The following LRRC37A3 variants were observed in gnomAD, a reference collection of about 807,000 sequenced individuals.
LRRC37A3 encodes the protein leucine rich repeat containing 37 member A3.
In LRRC37A3, 25 loss-of-function variants were observed where a neutral mutation model predicts 106.2. That is an observed-to-expected ratio of 0.24 (90% CI 0.17 to 0.33). The LOEUF (loss-of-function observed/expected upper bound fraction) is 0.33. Ranked by LOEUF, LRRC37A3 falls within the 10% of genes least tolerant of loss-of-function variation. LRRC37A3 has a pLI of 1.00. For synonymous variants in LRRC37A3, 305 were observed against 635.8 expected, an observed-to-expected ratio of 0.48 and a Z score of 7.83; for missense variants, 712 against 1,644.9, an observed-to-expected ratio of 0.43 and a Z score of 9.81.
intron 13 of LRRC37A3, among the ~76,000 whole-genome samples, chr17:64,857,789 AAC>A (rs1230537437): frequency 6.6e-6 from 1 of 152,222 alleles, no homozygotes; most frequent in Non-Finnish European, 1.5e-5. Flanking sequence ...TAGATGGACA[AAC>A]ACACAGACAA....
chr17:64,870,754 T>C (rs1373867513), intron 8 of LRRC37A3, among the ~76,000 whole-genome samples: 1 of 152,152 alleles, frequency 6.6e-6, no homozygotes, highest in Admixed American at 6.5e-5. Context: ...TTTTTAAAAA[T>C]TTTCATTTTC....
intron 13 of LRRC37A3, 97 bp downstream of exon 13, chr17:64,858,682 C>T: frequency 1.1e-6 from 1 of 872,082 alleles, no homozygotes; most frequent in Non-Finnish European, 2.0e-6. Context: ...CAAGTAGCAG[C>T]AGGTGGGAAA....
intron 2 of LRRC37A3, among the ~76,000 whole-genome samples, chr17:64,899,402 A>G (rs1357921410): frequency 4.1e-5 from 6 of 145,888 alleles, no homozygotes; most frequent in African/African-American, 1.4e-4. Flanking sequence ...CCTGGACAAC[A>G]GAGTGAGACT....
chr17:64,862,535 T>C (rs1972910404), intron 11 of LRRC37A3, among the ~76,000 whole-genome samples: 3 of 151,776 alleles, frequency 2.0e-5, no homozygotes, highest in Non-Finnish European at 2.9e-5. Context: ...TGAGATCTCA[T>C]GGATTTAAAA....
intron 2 of LRRC37A3, among the ~76,000 whole-genome samples, chr17:64,916,334 G>A (rs1310016264): frequency 6.6e-6 from 1 of 151,860 alleles, no homozygotes; most frequent in African/African-American, 2.4e-5. Flanking sequence ...GAACCCGGGA[G>A]GGGGAGCTTG....
chr17:64,861,501 C>T (rs1972870097), intron 11 of LRRC37A3, among the ~76,000 whole-genome samples: 1 of 152,216 alleles, frequency 6.6e-6, no homozygotes, highest in East Asian at 1.9e-4. Context: ...GCTGACAGAT[C>T]CTCATCTGGC....
intron 2 of LRRC37A3, among the ~76,000 whole-genome samples, chr17:64,918,478 C>T (rs1258711554): frequency 6.6e-6 from 1 of 152,090 alleles, no homozygotes; most frequent in Non-Finnish European, 1.5e-5. Flanking sequence ...CAGATGTGTA[C>T]ATGATTCATG....
At chr17:64,864,218 G>A (rs1972980554) in intron 10 of LRRC37A3, among the ~76,000 whole-genome samples, 1 of 152,052 alleles carries the variant, frequency 6.6e-6, no homozygotes, top group Admixed American at 6.5e-5. Flanking sequence ...GAGGCAGGAA[G>A]AATACATCAC....
At chr17:64,916,836 T>G (rs1974713265) in intron 2 of LRRC37A3, among the ~76,000 whole-genome samples, 1 of 147,600 alleles carries the variant, frequency 6.8e-6, no homozygotes. Flanking sequence ...GATATACAGA[T>G]GGCAAATCAA....
At position 64,860,759 on chromosome 17, in the gene LRRC37A3, G is replaced by A. The variant is rs142210133; in HGVS notation, c.3387C>T (p.Ala1129=). 127 of 1,613,966 alleles carry A rather than the reference G, an allele frequency of 7.9e-5. No homozygotes were observed. The highest frequency in any genetic ancestry group is 1.1e-4 in the East Asian group (5 of 44,886). The stretch of plus-strand genomic sequence containing the variant: ...ACAGTGATTTCACATCTAGGTTAAC[G>A]GCTGAGAAATAAGGTAAGATGTAAC... ...TLSYILPYFS[A]VNLDVKSLLL... is the part of the protein sequence containing the mutation. Residue 1129 remains alanine (A), a synonymous_variant, in exon 12 of 15, where the codon GCC becomes GCT. Transcript: ENST00000584306.
In LRRC37A3 at chr17:64,876,629, A is replaced by C. The variant is rs192392837; in HGVS notation, c.2907-7463T>G. ...AATAATTGGATAAGCTGGATGAAAG[A>C]CACATTACCAGAAAAATATGAACTA... On this transcript the variant is annotated intron_variant, in intron 8 of 14. Coordinates refer to ENST00000584306, the MANE Select transcript of LRRC37A3 (RefSeq NM_199340.5). 2.6e-5 allele frequency among the ~76,000 whole-genome samples: 4 copies of C among 152,378 alleles called. No homozygotes were observed. In the East Asian group the frequency reaches 7.7e-4, roughly 29 times the overall value.
intron 8 of LRRC37A3, among the ~76,000 whole-genome samples, chr17:64,872,494 T>G (rs1973356948): frequency 6.6e-6 from 1 of 152,194 alleles, no homozygotes; most frequent in Non-Finnish European, 1.5e-5. Flanking sequence ...GGTGGTTCCC[T>G]GGAAGACCTC....
At chr17:64,863,148 A>T (rs1433521865) in intron 10 of LRRC37A3, 130 bp from the exon 11 acceptor site, 51 of 1,219,144 alleles carry the variant, frequency 4.2e-5, no homozygotes, top group Non-Finnish European at 5.8e-5. Flanking sequence ...ACAGTTGGGT[A>T]GGAACCAGAA....
chr17:64,917,117 G>A (rs2665143), intron 2 of LRRC37A3, among the ~76,000 whole-genome samples: 6 of 151,616 alleles, frequency 4.0e-5, no homozygotes, highest in Non-Finnish European at 7.4e-5. Context: ...GTGGTGGTAG[G>A]CCCCTGTAGT....
intron 14 of LRRC37A3, among the ~76,000 whole-genome samples, chr17:64,855,324 CCT>C (rs1007566214): frequency 6.6e-6 from 1 of 151,064 alleles, no homozygotes; most frequent in Non-Finnish European, 1.5e-5. Flanking sequence ...AGACAAGTGC[CCT>C]CTCTCTCACA....
intron 4 of LRRC37A3, among the ~76,000 whole-genome samples, chr17:64,893,616 T>G (rs1974025490): frequency 7.2e-6 from 1 of 138,374 alleles, no homozygotes; most frequent in South Asian, 2.2e-4. Context: ...ATACCTCCCT[T>G]TTTATGCCTA....
chr17:64,859,489 T>C lies in LRRC37A3; in HGVS notation c.4657A>G (p.Asn1553Asp), dbSNP rs757518644. ...TDQWKTENYI[N>D]ESTEAQSEQK... The stretch of plus-strand genomic sequence containing the variant: ...TCACTCTGGGCTTCTGTGCTCTCAT[T>C]AATGTAGTTCTCAGTCTTCCATTGG... Residue 1553 changes from asparagine (N) to aspartate (D), a missense_variant, in exon 12 of 15, where the codon AAT (asparagine) becomes GAT (aspartate). Physicochemically the swap from Asn to Asp is conservative, Grantham distance 23 (BLOSUM62 1). Coordinates refer to ENST00000584306, the MANE Select transcript of LRRC37A3 (RefSeq NM_199340.5). The C allele has an allele frequency of 2.5e-6, 4 of 1,611,664 alleles. No homozygotes were observed. The highest frequency in any genetic ancestry group is 2.5e-6 in the Non-Finnish European group (3 of 1,179,670).
chr17:64,919,333 G>A, intron 1 of LRRC37A3, 98 bp downstream of exon 1: 1 of 423,952 alleles, frequency 2.4e-6, no homozygotes, highest in Non-Finnish European at 3.8e-6. Context: ...GGGGGCGGCC[G>A]GGGCCGGGTG....
intron 2 of LRRC37A3, among the ~76,000 whole-genome samples, chr17:64,916,008 G>C (rs2143637754): frequency 6.6e-6 from 1 of 152,296 alleles, no homozygotes; most frequent in East Asian, 1.9e-4. Flanking sequence ...TGAGGTGGTG[G>C]GAGGATCACC....
Sources: gnomAD v4.1 joint callset for allele counts (sites outside exome capture counted in the v4.1 genomes callset) on GRCh38, gnomAD v4.1.1 for gene constraint, MANE v1.5 for transcripts, NCBI Gene and HGNC (gene_info 2026-07-23, HGNC 2026-07-21) for gene names.